Variants in PLCG2 observed in about 807,000 individuals in gnomAD.
PLCG2 encodes the protein 1-phosphatidylinositol 4,5-bisphosphate phosphodiesterase gamma-2.
In PLCG2, 69 loss-of-function variants were observed where a neutral mutation model predicts 175.6. The observed-to-expected ratio is 0.39, with a 90% CI of 0.32 to 0.48. The LOEUF (loss-of-function observed/expected upper bound fraction) is 0.48. PLCG2 is among the 20% of genes least tolerant of loss of function. The pLI is 0.91. For synonymous variants in PLCG2, 827 were observed against 624.0 expected, an observed-to-expected ratio of 1.33 and a Z score of -4.85; for missense variants, 1,798 against 1,650.9, an observed-to-expected ratio of 1.09 and a Z score of -1.54.
intron 1 of PLCG2, among the ~76,000 whole-genome samples, chr16:81,782,740 CA>C (rs1428115057): frequency 6.6e-6 from 1 of 152,210 alleles, no homozygotes; most frequent in Non-Finnish European, 1.5e-5. Context: ...GGATTTCATC[CA>C]AAATCCCACA....
At chr16:81,805,315 C>G (rs536653055) in intron 2 of PLCG2, among the ~76,000 whole-genome samples, 4 of 151,934 alleles carry the variant, frequency 2.6e-5, no homozygotes, top group Admixed American at 2.6e-4. Context: ...CTGACTAACA[C>G]GGTGAAACTC....
chr16:81,838,015 A>G (rs779050908), intron 2 of PLCG2, among the ~76,000 whole-genome samples: 2 of 152,206 alleles, frequency 1.3e-5, no homozygotes, highest in Non-Finnish European at 2.9e-5. Context: ...GACTAAAGCA[A>G]TGTAATGATT....
At position 81,761,779 on chromosome 16, in the gene PLCG2, G is replaced by A. The variant is rs77156200; in HGVS notation, c.-48+5813G>A. Among the ~76,000 whole-genome samples the A allele has an allele frequency of 1.8e-3, 272 of 150,928 alleles. 1 individual carries two copies. The highest frequency in any genetic ancestry group is 5.8e-3 in the African/African-American group (239 of 41,084). Reference sequence around the variant, plus strand: ...TAAAACATACAGAAAAGTAAAAAGGGTTGTATAGCAAGCATCCATCTAGTC... The same window carrying A: ...TAAAACATACAGAAAAGTAAAAAGGATTGTATAGCAAGCATCCATCTAGTC... On this transcript the variant is annotated intron_variant, in intron 2 of 5. Coordinates refer to the PLCG2 transcript ENST00000565054.
chr16:81,782,087 A>G (rs1174010373), intron 1 of PLCG2, among the ~76,000 whole-genome samples: 4 of 152,188 alleles, frequency 2.6e-5, no homozygotes, highest in Non-Finnish European at 5.9e-5. Flanking sequence ...CGTGTTAGCC[A>G]GGATGGTCTT....
At position 81,815,212 on chromosome 16, in the gene PLCG2, A is replaced by G. The variant is rs185764541; in HGVS notation, c.193+29030A>G. Among the ~76,000 whole-genome samples the G allele has an allele frequency of 8.5e-5, 13 of 152,166 alleles. No individual in the cohort carries two copies. In the East Asian group the frequency reaches 2.3e-3, roughly 27 times the overall value. On this transcript the variant is annotated intron_variant, in intron 2 of 32. Coordinates refer to ENST00000564138, the MANE Select transcript of PLCG2 (RefSeq NM_002661.5). ...TGGTTATGCGAAGGGAGGAGGTTTTATTGCATATGGGGCCTTACTGGACAG... is the reference window on the plus strand; with the variant it reads ...TGGTTATGCGAAGGGAGGAGGTTTTGTTGCATATGGGGCCTTACTGGACAG...
Position 81,771,670 on chromosome 16 carries a change from A to AC in PLCG2, c.-47-14265dup, listed in dbSNP as rs773908190. On this transcript the variant is annotated intron_variant, in intron 2 of 5. Transcript: ENST00000565054. ...ATAGGGTACAGTGGGTTGAATTGTG[A>AC]CCCCCCCCAACCCCCCACCCAAAAA... Among the ~76,000 whole-genome samples the AC allele has an allele frequency of 8.0e-3, 1,119 of 140,172 alleles. 6 individuals carry two copies. The highest frequency in any genetic ancestry group is 0.012 in the Non-Finnish European group (748 of 64,464). 92.0% of individuals were successfully genotyped at this position (140,172 alleles called of 152,430 possible). A position where few individuals can be genotyped will look rare whatever the true frequency, so the allele number is the denominator to read the frequency against.
intron 13 of PLCG2, among the ~76,000 whole-genome samples, chr16:81,897,231 C>A (rs1351067915): frequency 2.0e-5 from 3 of 152,364 alleles, no homozygotes; most frequent in Admixed American, 2.0e-4. Flanking sequence ...AAGAGGCCTT[C>A]TATAGGCTCA....
chr16:81,861,792 C>T (rs1906994843), intron 5 of PLCG2, among the ~76,000 whole-genome samples: 1 of 152,242 alleles, frequency 6.6e-6, no homozygotes, highest in Non-Finnish European at 1.5e-5. Flanking sequence ...CAATCTGGCT[C>T]TGAAGTCGGC....
At chr16:81,849,759 A>G (rs887749551) in intron 2 of PLCG2, among the ~76,000 whole-genome samples, 6 of 144,710 alleles carry the variant, frequency 4.1e-5, no homozygotes, top group African/African-American at 1.5e-4. Flanking sequence ...CAACAAGAGC[A>G]AAACTCTGTC....
chr16:81,929,370 A>G (rs181115602), intron 24 of PLCG2, among the ~76,000 whole-genome samples: 111 of 152,304 alleles, frequency 7.3e-4, no homozygotes, highest in Middle Eastern at 3.4e-3. Flanking sequence ...TCTATTGCCA[A>G]TGCTCTGCTT....
In PLCG2 at chr16:81,786,121, G is replaced by A. The variant is rs1910959593; in HGVS notation, c.132G>A (p.Gln44=). ...CCACCCCCGAGCGGAGAACCGTCCA[G>A]GTGATCATGGAGACGCGGCAGGTGG... is the stretch of plus-strand genomic sequence containing the variant. The part of the protein sequence containing the change: ...RKSTPERRTV[Q]VIMETRQVAW... Residue 44 remains glutamine (Q), a synonymous_variant, in exon 2 of 33, where the codon CAG becomes CAA. Coordinates refer to ENST00000564138, the MANE Select transcript of PLCG2 (RefSeq NM_002661.5). 1 of 1,614,212 alleles carries A rather than the reference G, an allele frequency of 6.2e-7. No homozygotes were observed. The highest frequency in any genetic ancestry group is 8.5e-7 in the Non-Finnish European group (1 of 1,180,050).
intron 1 of PLCG2, among the ~76,000 whole-genome samples, chr16:81,781,715 C>T (rs970218431): frequency 2.6e-5 from 4 of 152,196 alleles, no homozygotes; most frequent in African/African-American, 4.8e-5. Context: ...CCTTACCACT[C>T]AAGTATTTGC....
chr16:81,947,756 G>A (rs143976869), intron 31 of PLCG2, among the ~76,000 whole-genome samples: 1 of 152,292 alleles, frequency 6.6e-6, no homozygotes, highest in East Asian at 1.9e-4. Flanking sequence ...TTTGCTAGCA[G>A]TATGTTTGTT....
intron 2 of PLCG2, among the ~76,000 whole-genome samples, chr16:81,826,882 C>T (rs993257664): frequency 6.6e-6 from 1 of 152,094 alleles, no homozygotes; most frequent in African/African-American, 2.4e-5. Context: ...AGTTCTTCTT[C>T]TGTATCCATT....
At chr16:81,910,177 G>A (rs946827304) in intron 17 of PLCG2, among the ~76,000 whole-genome samples, 19 of 152,022 alleles carry the variant, frequency 1.2e-4, no homozygotes, top group South Asian at 2.1e-4. Context: ...TGCAACCTTC[G>A]TCTCCCAGGT....
chr16:81,871,994 C>T (rs889847035), intron 7 of PLCG2, among the ~76,000 whole-genome samples: 1 of 152,156 alleles, frequency 6.6e-6, no homozygotes, highest in Non-Finnish European at 1.5e-5. Flanking sequence ...AAGCCAGCAG[C>T]AGATTTACAT....
intron 29 of PLCG2, among the ~76,000 whole-genome samples, chr16:81,939,597 G>C (rs890390276): frequency 2.1e-5 from 3 of 145,168 alleles, no homozygotes; most frequent in Non-Finnish European, 4.5e-5. Flanking sequence ...CCACCTTCCT[G>C]CTCTGCAAAC....
intron 6 of PLCG2, 124 bp from the exon 7 acceptor site, chr16:81,870,728 G>A (rs184164538): frequency 3.9e-5 from 21 of 543,906 alleles, no homozygotes; most frequent in Non-Finnish European, 6.5e-5. Context: ...GGTCATAGCT[G>A]TCTCTTCAGC....
chr16:81,775,161 G>A (rs1006532256), upstream of PLCG2, among the ~76,000 whole-genome samples: 9 of 152,112 alleles, frequency 5.9e-5, no homozygotes, highest in African/African-American at 1.9e-4. Flanking sequence ...AGCAGCCATC[G>A]TCACAATCCA....
Sources: gnomAD v4.1 joint callset for allele counts (sites outside exome capture counted in the v4.1 genomes callset) on GRCh38, gnomAD v4.1.1 for gene constraint, MANE v1.5 for transcripts, NCBI Gene and HGNC (gene_info 2026-07-23, HGNC 2026-07-21) for gene names.